The following LYST variants were observed in gnomAD, a reference collection of about 807,000 sequenced individuals.
LYST encodes lysosomal trafficking regulator.
A neutral mutation model predicts 413.6 loss-of-function variants in LYST; 192 were observed. The ratio of observed to expected loss-of-function variants is 0.46; its 90% CI spans 0.41 to 0.52. The LOEUF (loss-of-function observed/expected upper bound fraction) is 0.52. Among genes scored for constraint, LYST ranks in the 20% least tolerant of loss-of-function variants. The pLI, the probability that LYST is intolerant of heterozygous loss-of-function variation, is 0.00. For missense variants in LYST, 3,815 were observed against 4,499.9 expected (o/e 0.85, Z 4.35); for synonymous variants, 1,525 against 1,567.3 (o/e 0.97, Z 0.64).
chr1:235,862,848 C>T (rs7513729), intron 1 of LYST, among the ~76,000 whole-genome samples: 19,097 of 146,208 alleles, frequency 0.13, 2,752 homozygotes, highest in African/African-American at 0.35. Flanking sequence ...CACACACACA[C>T]CCCTTCAAGA....
chr1:235,722,311 G>T (rs1663444711), intron 39 of LYST, among the ~76,000 whole-genome samples: 1 of 152,210 alleles, frequency 6.6e-6, no homozygotes, highest in Non-Finnish European at 1.5e-5. Flanking sequence ...TCTGAGCAGA[G>T]AAAAGATATG....
upstream of LYST, among the ~76,000 whole-genome samples, chr1:235,869,437 A>C (rs1680832996): frequency 1.3e-5 from 2 of 152,200 alleles, no homozygotes; most frequent in Admixed American, 6.5e-5. Context: ...GCGCCACTAC[A>C]GTCTGGCCCG....
intron 30 of LYST, among the ~76,000 whole-genome samples, chr1:235,742,879 TATA>T (rs112546169): frequency 0.027 from 4,124 of 152,196 alleles, 161 homozygotes; most frequent in African/African-American, 0.094. Context: ...TTAAGTACCG[TATA>T]ATAAGGTATT....
chr1:235,668,950 T>A (rs571033834), intron 50 of LYST, among the ~76,000 whole-genome samples: 1 of 152,362 alleles, frequency 6.6e-6, no homozygotes, highest in South Asian at 2.1e-4. Flanking sequence ...CTAGCAAAAA[T>A]TCTTTCATAT....
At chr1:235,738,490 A>G in intron 31 of LYST, 1 of 1,612,278 alleles carries the variant, frequency 6.2e-7, no homozygotes, top group Non-Finnish European at 8.5e-7. Context: ...AGTGGTTGCA[A>G]TCTGGACTCA....
At chr1:235,829,321 C>T (rs1675688341) in intron 3 of LYST, 1 of 152,148 alleles carries the variant, frequency 6.6e-6, no homozygotes, top group Non-Finnish European at 1.5e-5. Flanking sequence ...GTTTTAGTCT[C>T]CATATTTCCT....
chr1:235,753,420 A>C, intron 25 of LYST, 146 bp from the exon 26 acceptor site: 1 of 614,934 alleles, frequency 1.6e-6, no homozygotes, highest in South Asian at 2.0e-5. Context: ...TGTTTTTAAA[A>C]TGACAGAGTC....
intron 21 of LYST, 121 bp from the exon 22 acceptor site, chr1:235,762,972 T>C (rs1667743368): frequency 4.1e-6 from 3 of 737,312 alleles, no homozygotes; most frequent in African/African-American, 3.5e-5. Context: ...GAGAAAAATA[T>C]ATAGCATACT....
chr1:235,876,576 T>C (rs1277986043), intron 1 of LYST, among the ~76,000 whole-genome samples: 1 of 152,236 alleles, frequency 6.6e-6, no homozygotes. Flanking sequence ...GAGCTTATTA[T>C]TATACTTGGG....
chr1:235,781,464 T>C (rs568633878), intron 15 of LYST, among the ~76,000 whole-genome samples: 2 of 152,264 alleles, frequency 1.3e-5, no homozygotes, highest in Admixed American at 6.5e-5. Context: ...CTGAATGCTA[T>C]TATGTGTGAG....
At chr1:235,720,524 C>T in intron 40 of LYST, 137 bp downstream of exon 40, 6 of 829,796 alleles carry the variant, frequency 7.2e-6, no homozygotes, top group South Asian at 1.7e-5. Flanking sequence ...ATTGTTGAAC[C>T]AGGGTGATAG....
intron 50 of LYST, among the ~76,000 whole-genome samples, chr1:235,673,188 A>G (rs1659091213): frequency 6.6e-6 from 1 of 152,136 alleles, no homozygotes; most frequent in Non-Finnish European, 1.5e-5. Flanking sequence ...CACCAAAGCA[A>G]TGTTAAAAAG....
At chr1:235,813,704 G>A (rs1673733375) in intron 3 of LYST, among the ~76,000 whole-genome samples, 1 of 152,192 alleles carries the variant, frequency 6.6e-6, no homozygotes, top group Non-Finnish European at 1.5e-5. Flanking sequence ...CATGTAGTAT[G>A]AGTAAGTATC....
intron 8 of LYST, among the ~76,000 whole-genome samples, chr1:235,802,689 T>C (rs1672376093): frequency 6.6e-6 from 1 of 152,216 alleles, no homozygotes; most frequent in South Asian, 2.1e-4. Flanking sequence ...CTTCACTCCA[T>C]GTTCTTAACC....
intron 45 of LYST, among the ~76,000 whole-genome samples, chr1:235,701,404 C>T (rs1661534347): frequency 6.6e-6 from 1 of 151,812 alleles, no homozygotes. Flanking sequence ...CCGAGGCGGG[C>T]AGATCATGAG....
rs1267091707 is a variant in LYST at position 235,664,103 on chromosome 1, C to G, written c.11196-48G>C. 3.0e-5 allele frequency: 39 copies of G among 1,296,600 alleles called. No homozygotes were observed. Among genetic ancestry groups the G allele is most frequent in the Non-Finnish European group, 4.1e-5 (37 of 891,598 alleles). 80.3% of individuals were successfully genotyped at this position (1,296,600 alleles called of 1,614,324 possible). Reference sequence around the variant, plus strand: ...AATTATGCAAACTAAAATTACTCTCCCTAAAAAGCCCTCTATATTTGTTTA... The same window carrying G: ...AATTATGCAAACTAAAATTACTCTCGCTAAAAAGCCCTCTATATTTGTTTA... On this transcript the variant is annotated intron_variant, in intron 51 of 52. Coordinates refer to ENST00000389793, the MANE Select transcript of LYST (RefSeq NM_000081.4). The surrounding 1 kb of genome is among the most constrained non-coding windows in gnomAD (Gnocchi z 4.5).
chr1:235,733,997 A>C, intron 32 of LYST, 91 bp from the exon 33 acceptor site: 1 of 649,704 alleles, frequency 1.5e-6, no homozygotes, highest in Non-Finnish European at 2.6e-6. Flanking sequence ...TTTAAAACCC[A>C]GTTAACAAAG....
Position 235,809,065 on chromosome 1 carries a change from A to C in LYST, c.1753T>G (p.Cys585Gly), listed in dbSNP as rs1015206148. ...ATGATTACAGATTTGGGATCCATAC[A>C]ACAGCATATTCCAATGTTATGAACA... is the stretch of plus-strand genomic sequence containing the variant. ...SGVHNIGICC[C>G]MDPKSVIIPL... Residue 585 changes from cysteine (C) to glycine (G), a missense_variant, in exon 5 of 53, where the codon TGT (cysteine) becomes GGT (glycine). Physicochemically the swap from Cys to Gly is radical, Grantham distance 159. Around this residue, in one of 4 missense-constraint regions of LYST, gnomAD observed 1,648 missense variants for 1,810.3 expected, o/e 0.91. Coordinates refer to ENST00000389793, the MANE Select transcript of LYST (RefSeq NM_000081.4). The surrounding 1 kb of genome is among the most constrained non-coding windows in gnomAD (Gnocchi z 4.0). The C allele has an allele frequency of 6.2e-7, 1 of 1,614,142 alleles. No homozygotes were observed. The highest frequency in any genetic ancestry group is 8.5e-7 in the Non-Finnish European group (1 of 1,179,980).
chr1:235,800,628 G>C (rs1435776618), intron 9 of LYST, among the ~76,000 whole-genome samples: 2 of 152,134 alleles, frequency 1.3e-5, no homozygotes, highest in African/African-American at 4.8e-5. Flanking sequence ...ATATTACCCA[G>C]TCTCAGAAAT....
Sources: gnomAD v4.1 joint callset for allele counts (sites outside exome capture counted in the v4.1 genomes callset) on GRCh38, gnomAD v4.1.1 for gene constraint, gnomAD v4.1.1 regional missense constraint, Gnocchi (gnomAD v3.1) non-coding constraint, MANE v1.5 for transcripts, NCBI Gene and HGNC (gene_info 2026-07-23, HGNC 2026-07-21) for gene names.